LIPA: variants seen among roughly 807,000 people sequenced by gnomAD.
LIPA encodes lipase A, lysosomal acid type, also known as lysosomal acid lipase/cholesteryl ester hydrolase.
In LIPA, 26 loss-of-function variants were observed where a neutral mutation model predicts 40.6. The observed-to-expected ratio is 0.64, with a 90% confidence interval of 0.47 to 0.89. The LOEUF is 0.89. LIPA is among the 40% of genes least tolerant of loss of function. The pLI, the probability that LIPA is intolerant of heterozygous loss-of-function variation, is 0.00. For synonymous variants in LIPA, 188 were observed against 168.4 expected (o/e 1.12, Z -0.90); for missense variants, 455 against 479.6 (o/e 0.95, Z 0.48).
chr10:89,214,802 G>T lies in LIPA; in HGVS notation c.*26C>A. ...TTTCACATGACATAATCATTGACTTGGTGGTACACAGCTCAAGTCCAGCTT... is the reference window on the plus strand; with the variant it reads ...TTTCACATGACATAATCATTGACTTTGTGGTACACAGCTCAAGTCCAGCTT... On this transcript the variant is annotated 3_prime_UTR_variant, in exon 10 of 10. Coordinates refer to ENST00000336233, the MANE Select transcript of LIPA (RefSeq NM_000235.4). The T allele has an allele frequency of 1.6e-6, 2 of 1,287,462 alleles. No homozygotes were observed. Among genetic ancestry groups the T allele is most frequent in the Non-Finnish European group, 2.3e-6 (2 of 882,916 alleles). 79.8% of individuals were successfully genotyped at this position (1,287,462 alleles called of 1,614,324 possible).
chr10:89,256,406 G>T (rs565948931), upstream of LIPA, among the ~76,000 whole-genome samples: 1 of 152,214 alleles, frequency 6.6e-6, no homozygotes, highest in African/African-American at 2.4e-5. Context: ...AAGAACACAC[G>T]TAGAGATTCA....
At chr10:89,397,621 C>G (rs1252996116) in intron 2 of LIPA, among the ~76,000 whole-genome samples, 2 of 152,178 alleles carry the variant, frequency 1.3e-5, no homozygotes, top group Non-Finnish European at 2.9e-5. Flanking sequence ...AGCAAATCTC[C>G]TGCCTTGGCC....
intron 1 of LIPA, among the ~76,000 whole-genome samples, chr10:89,270,712 C>G (rs1404191432): frequency 6.6e-6 from 1 of 152,166 alleles, no homozygotes; most frequent in East Asian, 1.9e-4. Context: ...TGCAACAGCT[C>G]TAAGCTAAAG....
At chr10:89,316,591 A>G (rs1843542845) in intron 1 of LIPA, among the ~76,000 whole-genome samples, 1 of 152,228 alleles carries the variant, frequency 6.6e-6, no homozygotes, top group East Asian at 1.9e-4. Flanking sequence ...GGTGGAGCCC[A>G]CCACAGCTCA....
At chr10:89,310,722 A>G (rs906808232) in intron 1 of LIPA, among the ~76,000 whole-genome samples, 1 of 152,176 alleles carries the variant, frequency 6.6e-6, no homozygotes, top group Admixed American at 6.5e-5. Context: ...AGGACTTAAG[A>G]CTAGAGAAGA....
intron 1 of LIPA, among the ~76,000 whole-genome samples, chr10:89,290,386 A>T (rs533388124): frequency 9.9e-5 from 15 of 152,256 alleles, no homozygotes; most frequent in African/African-American, 3.4e-4. Context: ...CCACTCTAGA[A>T]GCAGCCCTGA....
intron 1 of LIPA, among the ~76,000 whole-genome samples, chr10:89,280,234 A>G (rs1011789061): frequency 4.6e-5 from 7 of 152,150 alleles, no homozygotes; most frequent in African/African-American, 1.4e-4. Context: ...AATTTATAAT[A>G]TATAGATTTT....
At chr10:89,403,809 C>T (rs1589641619) in intron 2 of LIPA, 2 of 683,610 alleles carry the variant, frequency 2.9e-6, no homozygotes, top group South Asian at 2.0e-5. Context: ...CATTATAATT[C>T]ACTGTAATGA....
intron 1 of LIPA, among the ~76,000 whole-genome samples, chr10:89,322,707 C>CT (rs1171004618): frequency 1.5e-4 from 23 of 152,322 alleles, no homozygotes; most frequent in Non-Finnish European, 2.8e-4. Flanking sequence ...CCAATAAAGG[C>CT]TGCAGTCCCA....
chr10:89,291,509 T>C (rs1381348769), intron 1 of LIPA, among the ~76,000 whole-genome samples: 3 of 152,214 alleles, frequency 2.0e-5, no homozygotes, highest in African/African-American at 7.2e-5. Context: ...CAATACATGA[T>C]ACCATGATAC....
chr10:89,383,891 C>G, intron 2 of LIPA: 1 of 1,614,184 alleles, frequency 6.2e-7, no homozygotes, highest in African/African-American at 1.3e-5. Flanking sequence ...AAATTTAACA[C>G]AGCATCAGGG....
chr10:89,374,772 A>G (rs1844110743), intron 2 of LIPA, among the ~76,000 whole-genome samples: 1 of 152,202 alleles, frequency 6.6e-6, no homozygotes, highest in Admixed American at 6.5e-5. Context: ...AGAGGAAATG[A>G]GTCCCATTCC....
chr10:89,287,681 A>G (rs1843348347), intron 1 of LIPA, among the ~76,000 whole-genome samples: 2 of 152,136 alleles, frequency 1.3e-5, no homozygotes, highest in African/African-American at 2.4e-5. Flanking sequence ...CTCAATGCCA[A>G]TATCCCATCC....
intron 2 of LIPA, chr10:89,383,598 G>C (rs756548372): frequency 2.5e-6 from 4 of 1,614,202 alleles, no homozygotes; most frequent in Non-Finnish European, 3.4e-6. Flanking sequence ...TTAGAAGTCT[G>C]GTGACCTGGG....
chr10:89,375,741 T>C (rs1442178616), intron 2 of LIPA, among the ~76,000 whole-genome samples: 1 of 152,212 alleles, frequency 6.6e-6, no homozygotes, highest in Non-Finnish European at 1.5e-5. Context: ...TCCATTTCTG[T>C]GCTGTCATTA....
At chr10:89,375,030 G>A (rs1475899323) in intron 2 of LIPA, among the ~76,000 whole-genome samples, 1 of 152,192 alleles carries the variant, frequency 6.6e-6, no homozygotes, top group Non-Finnish European at 1.5e-5. Flanking sequence ...ATTGTAGTCT[G>A]GAAGGGCTCC....
intron 1 of LIPA, among the ~76,000 whole-genome samples, chr10:89,315,135 C>A (rs913448301): frequency 5.3e-5 from 8 of 152,160 alleles, no homozygotes; most frequent in Non-Finnish European, 7.4e-5. Context: ...TTTGTTCTTT[C>A]AAAATTTTAC....
At chr10:89,235,217 C>A (rs1842889975) in intron 3 of LIPA, among the ~76,000 whole-genome samples, 1 of 152,270 alleles carries the variant, frequency 6.6e-6, no homozygotes, top group Admixed American at 6.5e-5. Context: ...CAAGGCCCAG[C>A]CTGCTCAATG....
At chr10:89,328,214 G>A (rs2133537866) in intron 1 of LIPA, 1 of 934,480 alleles carries the variant, frequency 1.1e-6, no homozygotes, top group Non-Finnish European at 1.7e-6. Flanking sequence ...CTGAGCATTT[G>A]TAAGATGTTT....
Sources: allele counts gnomAD v4.1 joint callset (sites outside exome capture counted in the v4.1 genomes callset), GRCh38; gene constraint gnomAD v4.1.1; transcripts MANE v1.5; gene names NCBI Gene and HGNC (gene_info 2026-07-23, HGNC 2026-07-21).